Variants in NUMB observed in about 807,000 individuals in gnomAD.
NUMB encodes protein numb homolog.
A neutral mutation model predicts 59.7 loss-of-function variants in NUMB; 29 were observed. The ratio of observed to expected loss-of-function variants is 0.49; its 90% CI spans 0.36 to 0.66. The LOEUF (loss-of-function observed/expected upper bound fraction) is 0.66. Among genes scored for constraint, NUMB ranks in the 30% least tolerant of loss-of-function variants. The probability of loss-of-function intolerance (pLI) is 0.00; values close to 1 mark genes in which losing one functional copy is unlikely to be tolerated. For synonymous variants in NUMB, 288 were observed against 288.2 expected (o/e 1.00, Z 0.01); for missense variants, 723 against 822.0 (o/e 0.88, Z 1.47).
At chr14:73,314,978 CAT>C (rs1392083325) in intron 6 of NUMB, among the ~76,000 whole-genome samples, 1 of 152,038 alleles carries the variant, frequency 6.6e-6, no homozygotes, top group Non-Finnish European at 1.5e-5. Flanking sequence ...ATATGTATCC[CAT>C]ATTCTAAGGA....
Position 73,411,812 on chromosome 14 carries a change from ATC to A in NUMB, c.-232-1746_-232-1745del, listed in dbSNP as rs61534813. ...TTTTAAATGTGTATTTTGTGCCCAC[ATC>A]TGTCATATTGCTATCTGAATATACA... On this transcript the variant is annotated intron_variant, in intron 1 of 12. Coordinates refer to ENST00000555238, the MANE Select transcript of NUMB (RefSeq NM_001005743.2). Among the ~76,000 whole-genome samples the A allele has an allele frequency of 2.4e-3, 371 of 152,208 alleles. 1 individual carries two copies. The highest frequency in any genetic ancestry group is 8.8e-3 in the African/African-American group (364 of 41,540).
chr14:73,318,431 A>G (rs1891200447), intron 5 of NUMB, among the ~76,000 whole-genome samples: 1 of 152,230 alleles, frequency 6.6e-6, no homozygotes, highest in African/African-American at 2.4e-5. Flanking sequence ...AATAGTGAAT[A>G]AAAAACCAAC....
intron 2 of NUMB, among the ~76,000 whole-genome samples, chr14:73,373,063 C>T (rs1000102325): frequency 1.3e-5 from 2 of 152,294 alleles, no homozygotes; most frequent in African/African-American, 4.8e-5. Context: ...CCAGGATTCT[C>T]TCTCTCACTG....
chr14:73,316,348 TA>T, intron 6 of NUMB, 41 bp downstream of exon 6: 1 of 1,582,930 alleles, frequency 6.3e-7, no homozygotes. Flanking sequence ...ACTAGGGGTG[TA>T]ACTCCTTATA....
chr14:73,402,243 A>G (rs1463792546), intron 2 of NUMB, among the ~76,000 whole-genome samples: 2 of 152,202 alleles, frequency 1.3e-5, no homozygotes, highest in African/African-American at 2.4e-5. Context: ...CAACAGATGG[A>G]GAAAAATACT....
In NUMB at chr14:73,387,261, C is replaced by G. The variant is rs1183846878; in HGVS notation, c.-100-20280G>C. ...TCTTGAATTGTAGTTCCCATAATCC[C>G]CATGTGTCATGCGAAGGAATCATGG... On this transcript the variant is annotated intron_variant, in intron 2 of 12. Coordinates refer to ENST00000555238, the MANE Select transcript of NUMB (RefSeq NM_001005743.2). Among the ~76,000 whole-genome samples the G allele has an allele frequency of 3.3e-5, 5 of 152,052 alleles. No homozygotes were observed. The East Asian group carries it at 9.7e-4, about 29-fold the overall frequency.
At chr14:73,278,412 C>T (rs184097213) in intron 12 of NUMB, among the ~76,000 whole-genome samples, 22 of 151,520 alleles carry the variant, frequency 1.5e-4, no homozygotes, top group African/African-American at 5.3e-4. Flanking sequence ...CCCAGCTACT[C>T]GGGAGGCTGA....
chr14:73,330,897 C>T (rs1891939770), intron 4 of NUMB, among the ~76,000 whole-genome samples: 1 of 151,978 alleles, frequency 6.6e-6, no homozygotes, highest in African/African-American at 2.4e-5. Flanking sequence ...CCAGGGATAC[C>T]AATAGTGTGG....
intron 5 of NUMB, among the ~76,000 whole-genome samples, chr14:73,318,889 A>G (rs144454471): frequency 1.9e-4 from 29 of 152,332 alleles, no homozygotes; most frequent in African/African-American, 6.3e-4. Context: ...ATGACTTCCA[A>G]TTGAAGTTAA....
At chr14:73,292,264 A>G (rs1222517824) in intron 8 of NUMB, among the ~76,000 whole-genome samples, 1 of 152,076 alleles carries the variant, frequency 6.6e-6, no homozygotes, top group East Asian at 1.9e-4. Flanking sequence ...AACCCAGGTT[A>G]GTTTCCAACT....
chr14:73,302,678 C>T (rs2139861816), intron 6 of NUMB, among the ~76,000 whole-genome samples: 1 of 151,982 alleles, frequency 6.6e-6, no homozygotes, highest in East Asian at 1.9e-4. Context: ...TCTCAAAGTG[C>T]TGGGATTACA....
intron 6 of NUMB, among the ~76,000 whole-genome samples, chr14:73,304,949 TAGAGAAGGGGTTTCACCATGTTGGCC>T (rs905369871): frequency 2.6e-5 from 4 of 152,038 alleles, no homozygotes; most frequent in Admixed American, 6.6e-5. Context: ...GTATTTTTAA[TAGAGAAGGGGTTTCACCATGTTGGCC>T]AGGCTGGTCT....
intron 2 of NUMB, among the ~76,000 whole-genome samples, chr14:73,372,017 AG>A (rs1361038446): frequency 6.6e-6 from 1 of 151,916 alleles, no homozygotes; most frequent in Non-Finnish European, 1.5e-5. Flanking sequence ...GGATCACTTG[AG>A]GTCAGGAGCT....
At chr14:73,422,903 T>C (rs1273718222) in intron 1 of NUMB, among the ~76,000 whole-genome samples, 4 of 116,490 alleles carry the variant, frequency 3.4e-5, no homozygotes, top group Admixed American at 9.8e-5. Context: ...GAAGAGATCC[T>C]GTCTCAAAAA....
At chr14:73,299,821 T>C (rs1372531194) in intron 6 of NUMB, among the ~76,000 whole-genome samples, 1 of 152,110 alleles carries the variant, frequency 6.6e-6, no homozygotes, top group East Asian at 1.9e-4. Context: ...GGGAAGTCTG[T>C]AAGAATTGTG....
intron 1 of NUMB, chr14:73,457,530 C>T (rs1401327482): frequency 1.3e-5 from 2 of 152,288 alleles, no homozygotes; most frequent in Non-Finnish European, 2.9e-5. Flanking sequence ...ACCTTATCCC[C>T]TCCTATAGGG....
chr14:73,457,679 A>AG (rs1884489848), intron 1 of NUMB: 1 of 152,114 alleles, frequency 6.6e-6, no homozygotes, highest in Non-Finnish European at 1.5e-5. Flanking sequence ...CTGGTCCCTT[A>AG]GGGATCCTCA....
chr14:73,413,480 G>A (rs1376545095), intron 1 of NUMB, among the ~76,000 whole-genome samples: 3 of 151,856 alleles, frequency 2.0e-5, no homozygotes, highest in African/African-American at 7.2e-5. Flanking sequence ...AAATAAGGCG[G>A]GGCATGGTGG....
At chr14:73,313,643 T>C (rs940535600) in intron 6 of NUMB, among the ~76,000 whole-genome samples, 4 of 136,920 alleles carry the variant, frequency 2.9e-5, no homozygotes, top group African/African-American at 8.7e-5. Flanking sequence ...TATCTCATTA[T>C]ATATATGCAA....
Sources: gnomAD v4.1 joint callset for allele counts (sites outside exome capture counted in the v4.1 genomes callset) on GRCh38, gnomAD v4.1.1 for gene constraint, MANE v1.5 for transcripts, NCBI Gene and HGNC (gene_info 2026-07-23, HGNC 2026-07-21) for gene names.